EVL: variants seen among roughly 807,000 people sequenced by gnomAD.
EVL encodes the protein Enah/Vasp-like.
Under a neutral mutation model 59.6 loss-of-function variants are expected in EVL, and 21 were observed. The ratio of observed to expected loss-of-function variants is 0.35; its 90% confidence interval spans 0.25 to 0.51. The LOEUF (loss-of-function observed/expected upper bound fraction) is 0.51, where lower values mean the gene tolerates loss of function less well. Among genes scored for constraint, EVL ranks in the 20% least tolerant of loss-of-function variants. The pLI is 0.97. For synonymous variants in EVL, 198 were observed against 203.5 expected, an observed-to-expected ratio of 0.97 and a Z score of 0.23; for missense variants, 462 against 546.6, an observed-to-expected ratio of 0.85 and a Z score of 1.54.
Position 100,083,552 on chromosome 14 carries a change from C to T in EVL, c.12-1135C>T, listed in dbSNP as rs546869486. 1.2e-4 allele frequency among the ~76,000 whole-genome samples: 19 copies of T among 152,220 alleles called. 2 individuals are homozygous for T. The South Asian group carries it at 3.9e-3, about 32-fold the overall frequency. On this transcript the variant is annotated intron_variant, in intron 1 of 13. Coordinates refer to ENST00000392920, the MANE Select transcript of EVL (RefSeq NM_016337.3). ...TAGGTTTATGAAGAGCCAGTGGGCT[C>T]CGAGAGACTTCCCCTGAATACCGTG...
At chr14:100,049,454 C>T (rs142297234) in intron 1 of EVL, among the ~76,000 whole-genome samples, 2 of 152,086 alleles carry the variant, frequency 1.3e-5, no homozygotes, top group Admixed American at 1.3e-4. Context: ...CTCTGGACAG[C>T]TGAAATAACT....
At position 100,125,169 on chromosome 14, in the gene EVL, TACAC is replaced by T. The variant is rs34405834; in HGVS notation, c.423-1515_423-1512del. ...ACACACACCTGCCCCAAGGCAGGAA[TACAC>T]ACACACACACACACACACACACCTG... On this transcript the variant is annotated intron_variant, in intron 4 of 13. Coordinates refer to ENST00000392920, the MANE Select transcript of EVL (RefSeq NM_016337.3). 0.019 allele frequency among the ~76,000 whole-genome samples: 1,987 copies of T among 103,036 alleles called. 152 individuals carry two copies. The East Asian group carries it at 0.23, about 12-fold the overall frequency. 67.6% of individuals were successfully genotyped at this position (103,036 alleles called of 152,430 possible).
chr14:100,114,060 G>A lies in EVL; in HGVS notation c.359-9479G>A, dbSNP rs1887171576. Among the ~76,000 whole-genome samples, 1 of 152,124 alleles carries A rather than the reference G, an allele frequency of 6.6e-6. No homozygotes were observed. The highest frequency in any genetic ancestry group is 6.5e-5 in the Admixed American group (1 of 15,270). ...GAGACCCTTGGAAAGCCCTTCAAGT[G>A]AGAGCATGAGGCTTGGATCTAGACA... On this transcript the variant is annotated intron_variant, in intron 3 of 13. Transcript: ENST00000392920. The surrounding 1 kb of genome is among the most constrained non-coding windows in gnomAD (Gnocchi z 5.0).
intron 8 of EVL, chr14:100,134,965 G>A (rs972556513): frequency 6.6e-6 from 1 of 152,158 alleles, no homozygotes; most frequent in African/African-American, 2.4e-5. Flanking sequence ...AGCAGGGAGG[G>A]TTTTAAAAAA....
intron 2 of EVL, among the ~76,000 whole-genome samples, chr14:100,086,841 G>T (rs1371284320): frequency 6.6e-6 from 1 of 152,224 alleles, no homozygotes; most frequent in Non-Finnish European, 1.5e-5. Context: ...CAGGATTGAG[G>T]ATATCTCCCC....
At chr14:100,113,738 G>T (rs1354028350) in intron 3 of EVL, among the ~76,000 whole-genome samples, 1 of 152,216 alleles carries the variant, frequency 6.6e-6, no homozygotes, top group Non-Finnish European at 1.5e-5. Context: ...GGGAAGGAAA[G>T]AGGGAATGAT....
intron 1 of EVL, among the ~76,000 whole-genome samples, chr14:100,073,638 T>C (rs1288194232): frequency 6.6e-6 from 1 of 152,026 alleles, no homozygotes; most frequent in African/African-American, 2.4e-5. Context: ...ATTTTTCAAA[T>C]AAATGCAGGA....
chr14:100,096,377 A>G (rs1567015351), intron 2 of EVL, among the ~76,000 whole-genome samples: 1 of 152,030 alleles, frequency 6.6e-6, no homozygotes, highest in East Asian at 1.9e-4. Flanking sequence ...CCTCATCCAG[A>G]CTCTGCTTGC....
chr14:100,016,730 A>G (rs549253890), intron 1 of EVL, among the ~76,000 whole-genome samples: 1 of 152,352 alleles, frequency 6.6e-6, no homozygotes, highest in African/African-American at 2.4e-5. Flanking sequence ...TGGTGTTATC[A>G]GTAATCAAGT....
chr14:100,088,421 C>T (rs1233680751), intron 2 of EVL, among the ~76,000 whole-genome samples: 1 of 152,122 alleles, frequency 6.6e-6, no homozygotes, highest in African/African-American at 2.4e-5. Flanking sequence ...AAATGCGCCC[C>T]TGGGGGATTT....
intron 3 of EVL, among the ~76,000 whole-genome samples, chr14:100,119,025 G>A (rs1207600693): frequency 9.9e-5 from 15 of 152,226 alleles, no homozygotes; most frequent in Non-Finnish European, 2.9e-5. Context: ...TGTGTTCAGA[G>A]AAGAGGTCAG....
At position 100,075,064 on chromosome 14, in the gene EVL, G is replaced by C. The variant is rs117210530; in HGVS notation, c.11+9553G>C. 4.6e-5 allele frequency among the ~76,000 whole-genome samples: 7 copies of C among 152,348 alleles called. No individual in the cohort carries two copies. The East Asian group carries it at 1.4e-3, about 29-fold the overall frequency. ...ACTTGGGGGAGCCACACAATGAGAAGTGGGAATAAATGTGATAATGACCTC... is the reference window on the plus strand; with the variant it reads ...ACTTGGGGGAGCCACACAATGAGAACTGGGAATAAATGTGATAATGACCTC... On this transcript the variant is annotated intron_variant, in intron 1 of 13. Coordinates refer to ENST00000392920, the MANE Select transcript of EVL (RefSeq NM_016337.3).
At chr14:100,019,289 C>A (rs111624924) in intron 1 of EVL, 3,308 of 211,204 alleles carry the variant, frequency 0.016, 107 homozygotes, top group African/African-American at 0.072. Flanking sequence ...TCTCCCCAAC[C>A]TGCACAGTTC....
chr14:100,045,161 T>C (rs2061528477), intron 1 of EVL, among the ~76,000 whole-genome samples: 1 of 152,192 alleles, frequency 6.6e-6, no homozygotes, highest in South Asian at 2.1e-4. Context: ...ACGATACAAA[T>C]AGTGCCCACT....
Position 100,128,623 on chromosome 14 carries a change from G to A in EVL, c.592G>A (p.Gly198Arg). ...PPPPVPPPPT[G>R]ATPPPPPPLP... ...ACCCCCAGTCCCACCTCCACCCACT[G>A]GGGCTACCCCACCTCCCCCACCCCC... Residue 198 changes from glycine (G) to arginine (R), a missense_variant, in exon 6 of 14, where the codon GGG becomes AGG. Coordinates refer to ENST00000392920, the MANE Select transcript of EVL (RefSeq NM_016337.3). The A allele has an allele frequency of 9.2e-7, 1 of 1,087,050 alleles. No individual in the cohort carries two copies. The highest frequency in any genetic ancestry group is 1.2e-6 in the Non-Finnish European group (1 of 845,878). The allele number at this position is 1,087,050 out of a possible 1,614,324, so 67.3% of individuals were successfully genotyped here.
At chr14:100,099,179 C>CAAA (rs57154685) in intron 3 of EVL, among the ~76,000 whole-genome samples, 19 of 51,082 alleles carry the variant, frequency 3.7e-4, no homozygotes, top group Admixed American at 6.6e-4. Context: ...CCTGTCTCTA[C>CAAA]AAAAAAAAAA....
At chr14:100,062,863 C>CA (rs2061862091), upstream of EVL, among the ~76,000 whole-genome samples, 1 of 152,148 alleles carries the variant, frequency 6.6e-6, no homozygotes, top group Non-Finnish European at 1.5e-5. Flanking sequence ...GGGGCCAAGG[C>CA]AGGAGGATCA....
At chr14:100,044,922 A>T (rs1225528334) in intron 1 of EVL, among the ~76,000 whole-genome samples, 1 of 152,190 alleles carries the variant, frequency 6.6e-6, no homozygotes, top group Non-Finnish European at 1.5e-5. Flanking sequence ...TGATTGCACC[A>T]CTGTACTCCA....
chr14:100,038,115 G>C (rs1021387531), intron 1 of EVL, among the ~76,000 whole-genome samples: 1 of 152,120 alleles, frequency 6.6e-6, no homozygotes, highest in East Asian at 1.9e-4. Context: ...AATCATCCTG[G>C]GTAGGATACT....
Sources: gnomAD v4.1 joint callset for allele counts (sites outside exome capture counted in the v4.1 genomes callset) on GRCh38, gnomAD v4.1.1 for gene constraint, Gnocchi (gnomAD v3.1) non-coding constraint, MANE v1.5 for transcripts, NCBI Gene and HGNC (gene_info 2026-07-23, HGNC 2026-07-21) for gene names.